MALRD1: variants seen among roughly 807,000 people sequenced by gnomAD.
MALRD1 encodes the protein MAM and LDL-receptor class A domain-containing protein 1.
Under a neutral mutation model 242.1 loss-of-function variants are expected in MALRD1, and 247 were observed. That is an observed-to-expected ratio of 1.02 (90% CI 0.92 to 1.13). MALRD1 has a LOEUF of 1.13. Ranked by LOEUF, MALRD1 falls within the 50% of genes most tolerant of loss-of-function variation. The pLI, the probability that MALRD1 is intolerant of heterozygous loss-of-function variation, is 0.00. For missense variants in MALRD1, 2,989 were observed against 2,533.1 expected (o/e 1.18, Z -3.86); for synonymous variants, 995 against 866.6 (o/e 1.15, Z -2.60).
rs897185770 is a variant in MALRD1 at position 19,658,948 on chromosome 10, C to T, written c.6138-33334C>T. Among the ~76,000 whole-genome samples, 11 of 152,086 alleles carry T rather than the reference C, an allele frequency of 7.2e-5. No homozygotes were observed. In the East Asian group the frequency reaches 7.7e-4, roughly 11 times the overall value. On this transcript the variant is annotated intron_variant, in intron 36 of 39. Coordinates refer to ENST00000454679, the MANE Select transcript of MALRD1 (RefSeq NM_001142308.3). ...GAAATGAAAAATCAATTGAGCCAGA[C>T]GTTTACTTTGGAAAACAAATGGTTT...
At chr10:19,551,608 C>G (rs536175407) in intron 32 of MALRD1, among the ~76,000 whole-genome samples, 32 of 152,162 alleles carry the variant, frequency 2.1e-4, no homozygotes, top group Non-Finnish European at 3.2e-4. Flanking sequence ...TTTATCTTTC[C>G]CAATTGCCCT....
At chr10:19,078,358 T>C (rs1026673955) in intron 2 of MALRD1, among the ~76,000 whole-genome samples, 5 of 151,842 alleles carry the variant, frequency 3.3e-5, no homozygotes, top group Non-Finnish European at 7.4e-5. Context: ...GGTGTTTGTA[T>C]TGATTGATTT....
At position 19,369,216 on chromosome 10, in the gene MALRD1, T is replaced by A. The variant is rs932081355; in HGVS notation, c.4441+16919T>A. Among the ~76,000 whole-genome samples the A allele has an allele frequency of 3.9e-4, 57 of 146,270 alleles. No individual in the cohort carries two copies. In the South Asian group the frequency reaches 4.8e-3, roughly 12 times the overall value. ...TAAGCTAATATTTAAATTTGAATAT[T>A]AATTCTTGTATATAAATATATTTAT... is the stretch of plus-strand genomic sequence containing the variant. On this transcript the variant is annotated intron_variant, in intron 26 of 39. Transcript: ENST00000454679.
At chr10:19,531,823 AC>A (rs1834430371) in intron 32 of MALRD1, among the ~76,000 whole-genome samples, 2 of 152,240 alleles carry the variant, frequency 1.3e-5, no homozygotes, top group Non-Finnish European at 1.5e-5. Context: ...AATAATCTGT[AC>A]CAAATGCAGA....
intron 5 of MALRD1, among the ~76,000 whole-genome samples, chr10:19,104,383 G>A (rs780152683): frequency 1.3e-5 from 2 of 152,098 alleles, no homozygotes; most frequent in Non-Finnish European, 2.9e-5. Flanking sequence ...CTAGGAGACT[G>A]GGAGAAAACT....
At chr10:19,676,486 C>G (rs1842145539) in intron 36 of MALRD1, among the ~76,000 whole-genome samples, 1 of 152,082 alleles carries the variant, frequency 6.6e-6, no homozygotes, top group African/African-American at 2.4e-5. Context: ...ATATAAAATT[C>G]TTATCTTTCT....
chr10:19,540,212 T>C (rs1486986546), intron 32 of MALRD1, among the ~76,000 whole-genome samples: 1 of 152,092 alleles, frequency 6.6e-6, no homozygotes, highest in African/African-American at 2.4e-5. Context: ...TTTAGGCTAG[T>C]GCAAGAGGAT....
At chr10:19,424,287 G>A (rs1833822816) in intron 28 of MALRD1, among the ~76,000 whole-genome samples, 1 of 152,002 alleles carries the variant, frequency 6.6e-6, no homozygotes, top group Non-Finnish European at 1.5e-5. Context: ...AGCCTCTCGA[G>A]TAGCTGGGAT....
intron 36 of MALRD1, among the ~76,000 whole-genome samples, chr10:19,635,575 A>T (rs1450455283): frequency 1.3e-5 from 2 of 152,216 alleles, no homozygotes; most frequent in Non-Finnish European, 2.9e-5. Context: ...AGAAAAAAAG[A>T]TTAAAAAATA....
intron 28 of MALRD1, among the ~76,000 whole-genome samples, chr10:19,437,262 T>A (rs533586145): frequency 6.6e-6 from 1 of 152,244 alleles, no homozygotes; most frequent in African/African-American, 2.4e-5. Flanking sequence ...TTATTTTGTT[T>A]CTTCTTTTTA....
intron 29 of MALRD1, among the ~76,000 whole-genome samples, chr10:19,470,547 C>A (rs935048270): frequency 2.8e-4 from 42 of 151,952 alleles, no homozygotes; most frequent in African/African-American, 9.9e-4. Flanking sequence ...TACCAACTTA[C>A]ATTTTCACCA....
At chr10:19,562,226 C>T (rs1490343456) in intron 32 of MALRD1, among the ~76,000 whole-genome samples, 2 of 152,016 alleles carry the variant, frequency 1.3e-5, no homozygotes, top group South Asian at 4.2e-4. Context: ...ACCCAGAAGG[C>T]GGAGTTTGCA....
At chr10:19,371,212 G>A (rs908413531) in intron 26 of MALRD1, among the ~76,000 whole-genome samples, 3 of 151,962 alleles carry the variant, frequency 2.0e-5, no homozygotes, top group Admixed American at 1.3e-4. Flanking sequence ...TGGCCCTACT[G>A]CACTTTAGCC....
Position 19,257,757 on chromosome 10 carries a change from G to A in MALRD1, c.3065G>A (p.Cys1022Tyr), listed in dbSNP as rs1839581645. ...ATTGATGATCTGTCATTTATGGACT[G>A]CACCCTCTACCCTGGTAAGAGAGAA... ...IAIDDLSFMD[C>Y]TLYPGNLPAD... The change falls in exon 19 of 40, where the codon TGC (cysteine) becomes TAC (tyrosine). Residue 1022 changes from cysteine to tyrosine, a missense_variant. Physicochemically the swap from Cys to Tyr is radical, Grantham distance 194. Transcript: ENST00000454679. The A allele has an allele frequency of 3.3e-6, 5 of 1,535,746 alleles. No individual in the cohort carries two copies. Among genetic ancestry groups the A allele is most frequent in the Non-Finnish European group, 4.4e-6 (5 of 1,138,050 alleles).
chr10:19,700,167 A>G (rs1833561168), intron 38 of MALRD1, among the ~76,000 whole-genome samples: 1 of 152,096 alleles, frequency 6.6e-6, no homozygotes, highest in Non-Finnish European at 1.5e-5. Context: ...CCTACTGTTG[A>G]CAAGTAACAA....
chr10:19,532,723 A>C (rs74347436), intron 32 of MALRD1, among the ~76,000 whole-genome samples: 1 of 125,290 alleles, frequency 8.0e-6, no homozygotes, highest in East Asian at 2.6e-4. Flanking sequence ...CATGCAAAGA[A>C]AGTTGAGAAT....
At chr10:19,142,207 T>C (rs1588607278) in intron 10 of MALRD1, among the ~76,000 whole-genome samples, 1 of 134,582 alleles carries the variant, frequency 7.4e-6, no homozygotes, top group Non-Finnish European at 1.6e-5. Flanking sequence ...AGTGGAATGC[T>C]AAAACACTTC....
At chr10:19,248,780 G>T (rs889728779) in intron 18 of MALRD1, among the ~76,000 whole-genome samples, 16 of 151,058 alleles carry the variant, frequency 1.1e-4, no homozygotes, top group African/African-American at 3.9e-4. Flanking sequence ...AAGAATTTTA[G>T]ATTCTAAATG....
At chr10:19,239,415 T>C (rs756199379) in intron 18 of MALRD1, among the ~76,000 whole-genome samples, 13 of 152,182 alleles carry the variant, frequency 8.5e-5, no homozygotes, top group Non-Finnish European at 1.9e-4. Flanking sequence ...AGCAGATGTA[T>C]AGTTTGCAAA....
Sources: gnomAD v4.1 joint callset for allele counts (sites outside exome capture counted in the v4.1 genomes callset) on GRCh38, gnomAD v4.1.1 for gene constraint, MANE v1.5 for transcripts, NCBI Gene and HGNC (gene_info 2026-07-23, HGNC 2026-07-21) for gene names.